OPN3: variants seen among roughly 807,000 people sequenced by gnomAD.
The protein encoded by OPN3 is opsin-3.
A neutral mutation model predicts 33.8 loss-of-function variants in OPN3; 29 were observed. That is an observed-to-expected ratio of 0.86 (90% CI 0.64 to 1.17). The LOEUF (loss-of-function observed/expected upper bound fraction) is 1.17, where lower values mean the gene tolerates loss of function less well. Among genes scored for constraint, OPN3 ranks in the 50% most tolerant of loss-of-function variants. The probability of loss-of-function intolerance (pLI) is 0.00; values close to 1 mark genes in which losing one functional copy is unlikely to be tolerated. For synonymous variants in OPN3, 216 were observed against 216.1 expected (o/e 1.00, Z 0.00); for missense variants, 437 against 514.1 (o/e 0.85, Z 1.45).
At chr1:241,617,635 G>A (rs1664168495) in intron 1 of OPN3, among the ~76,000 whole-genome samples, 1 of 152,190 alleles carries the variant, frequency 6.6e-6, no homozygotes, top group Admixed American at 6.5e-5. Context: ...GGAGAGCACG[G>A]AAACACAGAG....
Position 241,594,465 on chromosome 1 carries a change from C to A in OPN3, c.1172G>T (p.Gly391Val). Residue 391 changes from glycine to valine, a missense_variant, in exon 4 of 4, where the codon GGG (glycine) becomes GTG (valine). Coordinates refer to ENST00000366554, the MANE Select transcript of OPN3 (RefSeq NM_014322.3). ...AACTTGGATTACATCAACTTTGGAC[C>A]CATTGGTTTTGTCGCTGTCGTCAAC... ...LSVDDSDKTN[G>V]SKVDVIQVRP... 6.2e-7 allele frequency: 1 copy of A among 1,614,030 alleles called. No individual in the cohort carries two copies. The highest frequency in any genetic ancestry group is 8.5e-7 in the Non-Finnish European group (1 of 1,179,968).
chr1:241,624,407 T>A (rs1030090431), intron 1 of OPN3, among the ~76,000 whole-genome samples: 4 of 152,232 alleles, frequency 2.6e-5, no homozygotes, highest in Non-Finnish European at 5.9e-5. Context: ...TTGTTCCTCA[T>A]ATCAGCCCAT....
In OPN3 at chr1:241,619,295, A is replaced by C. The variant is rs184247788; in HGVS notation, c.374-14716T>G. On this transcript the variant is annotated intron_variant, in intron 1 of 3. Coordinates refer to ENST00000366554, the MANE Select transcript of OPN3 (RefSeq NM_014322.3). ...TTAACATTTCACAAAACAGTACTGCACGGGACACTAAAGGTAATACTATGC... is the reference window on the plus strand; with the variant it reads ...TTAACATTTCACAAAACAGTACTGCCCGGGACACTAAAGGTAATACTATGC... Among the ~76,000 whole-genome samples the C allele has an allele frequency of 5.9e-5, 9 of 152,324 alleles. No homozygotes were observed. The East Asian group carries it at 1.7e-3, about 29-fold the overall frequency.
chr1:241,600,261 G>T (rs1202785516), intron 2 of OPN3: 1 of 152,174 alleles, frequency 6.6e-6, no homozygotes, highest in Non-Finnish European at 1.5e-5. Flanking sequence ...TTATATATGT[G>T]AAGTTTTCAT....
At chr1:241,623,113 A>C (rs1190555639) in intron 1 of OPN3, among the ~76,000 whole-genome samples, 1 of 151,848 alleles carries the variant, frequency 6.6e-6, no homozygotes, top group Non-Finnish European at 1.5e-5. Flanking sequence ...AAAAACAAAC[A>C]AAAAAAACTC....
chr1:241,614,336 CA>C (rs1439083140), intron 1 of OPN3, among the ~76,000 whole-genome samples: 1 of 151,448 alleles, frequency 6.6e-6, no homozygotes. Flanking sequence ...TGAGGCAGGC[CA>C]CATGCTGTGG....
intron 1 of OPN3, among the ~76,000 whole-genome samples, chr1:241,639,666 C>A (rs538415461): frequency 7.6e-6 from 1 of 131,316 alleles, no homozygotes; most frequent in African/African-American, 2.9e-5. Context: ...CAGCGTGGGG[C>A]GGGAGGGGAC....
At chr1:241,602,784 C>T (rs1663710145) in intron 2 of OPN3, among the ~76,000 whole-genome samples, 1 of 152,186 alleles carries the variant, frequency 6.6e-6, no homozygotes, top group Non-Finnish European at 1.5e-5. Flanking sequence ...CCCAAGGCCC[C>T]ATCCCCAAAT....
Position 241,639,952 on chromosome 1 carries a change from G to A in OPN3, c.303C>T (p.Ser101=), listed in dbSNP as rs759044681. The A allele has an allele frequency of 3.7e-6, 6 of 1,609,866 alleles. No homozygotes were observed. In the South Asian group the frequency reaches 6.6e-5, roughly 18 times the overall value. The change falls in exon 1 of 4, where the codon TCC becomes TCT. Residue 101 remains serine, a synonymous_variant. Transcript: ENST00000366554. ...SLFGVTFTFV[S]CLRNGWVWDT... ...CCCACACCCAGCCGTTCCTCAGGCA[G>A]GACACGAAGGTAAAGGTGACCCCGA... is the stretch of plus-strand genomic sequence containing the variant.
chr1:241,615,250 A>AACT (rs1664095458), intron 1 of OPN3, among the ~76,000 whole-genome samples: 1 of 152,072 alleles, frequency 6.6e-6, no homozygotes, highest in Non-Finnish European at 1.5e-5. Context: ...ACTTAACAGG[A>AACT]ACTGAGAATT....
In OPN3 at chr1:241,626,129, C is replaced by G. The variant is rs1469032876; in HGVS notation, c.373+13753G>C. ...CTTACCCTAAAACTAATGATCTGTA[C>G]TAATAATACAAGAAGCCAGGACTAT... On this transcript the variant is annotated intron_variant, in intron 1 of 3. Transcript: ENST00000366554. 2.6e-5 allele frequency among the ~76,000 whole-genome samples: 4 copies of G among 152,250 alleles called. No individual in the cohort carries two copies. The East Asian group carries it at 7.7e-4, about 29-fold the overall frequency.
At chr1:241,601,751 C>T (rs907854208) in intron 2 of OPN3, among the ~76,000 whole-genome samples, 19 of 151,674 alleles carry the variant, frequency 1.3e-4, no homozygotes, top group Non-Finnish European at 2.1e-4. Flanking sequence ...AGAAACAAAA[C>T]GAAACAAAAA....
At chr1:241,607,293 C>A (rs1222904956) in intron 1 of OPN3, among the ~76,000 whole-genome samples, 2 of 152,012 alleles carry the variant, frequency 1.3e-5, no homozygotes, top group Non-Finnish European at 2.9e-5. Flanking sequence ...GGTGGGCAGA[C>A]CACCTGAGGT....
At chr1:241,626,200 T>C (rs1664414260) in intron 1 of OPN3, among the ~76,000 whole-genome samples, 1 of 152,166 alleles carries the variant, frequency 6.6e-6, no homozygotes, top group Admixed American at 6.5e-5. Flanking sequence ...GGTCCTCTGT[T>C]CCTCAGGTTG....
rs528285870 is a variant in OPN3, at chr1:241,614,781, A to G, written c.374-10202T>C. On this transcript the variant is annotated intron_variant, in intron 1 of 3. Coordinates refer to ENST00000366554, the MANE Select transcript of OPN3 (RefSeq NM_014322.3). ...CCTAGCCTTAGGCTTTTCTGCCCAT[A>G]GTCCCATTTGGACAGATATCCTAGC... 4.9e-3 allele frequency among the ~76,000 whole-genome samples: 738 copies of G among 151,686 alleles called. 3 individuals are homozygous for G. Among genetic ancestry groups the G allele is most frequent in the African/African-American group, 0.017 (699 of 41,490 alleles).
At position 241,620,714 on chromosome 1, in the gene OPN3, T is replaced by C. The variant is rs533033746; in HGVS notation, c.374-16135A>G. Among the ~76,000 whole-genome samples the C allele has an allele frequency of 6.6e-5, 10 of 152,334 alleles. No individual in the cohort carries two copies. The South Asian group carries it at 1.9e-3, about 28-fold the overall frequency. On this transcript the variant is annotated intron_variant, in intron 1 of 3. Coordinates refer to ENST00000366554, the MANE Select transcript of OPN3 (RefSeq NM_014322.3). ...AAATATTATTTCAATTTTTAATCAA[T>C]ATAAAATTATTGAGATATTTTATAT... is the stretch of plus-strand genomic sequence containing the variant.
At position 241,604,578 on chromosome 1, in the gene OPN3, C is replaced by A. The variant is rs1333620647; in HGVS notation, c.375G>T (p.Gly125=). Residue 125 remains glycine, a splice_region_variant and synonymous_variant, in exon 2 of 4, where the codon GGG becomes GGT. Transcript: ENST00000366554. ...CGGTTAGGGTGGCAATGGAAACAATCCCTGCAAGAAGAGAAAGTGGAAAAG... is the reference window on the plus strand; with the variant it reads ...CGGTTAGGGTGGCAATGGAAACAATACCTGCAAGAAGAGAAAGTGGAAAAG... ...VWDGFSGSLF[G]IVSIATLTVL... 6.2e-7 allele frequency: 1 copy of A among 1,607,642 alleles called. No individual in the cohort carries two copies. The highest frequency in any genetic ancestry group is 1.7e-5 in the Admixed American group (1 of 59,552).
intron 1 of OPN3, among the ~76,000 whole-genome samples, chr1:241,611,837 G>A (rs1377194617): frequency 6.6e-6 from 1 of 152,220 alleles, no homozygotes; most frequent in Non-Finnish European, 1.5e-5. Context: ...CTTATGGGAA[G>A]TTCCCTTGGG....
At chr1:241,630,293 T>C (rs958700851) in intron 1 of OPN3, 4 of 152,094 alleles carry the variant, frequency 2.6e-5, no homozygotes, top group Non-Finnish European at 5.9e-5. Context: ...CCATGGGAGT[T>C]TGTTCATGTT....
Sources: allele counts gnomAD v4.1 joint callset (sites outside exome capture counted in the v4.1 genomes callset), GRCh38; gene constraint gnomAD v4.1.1; transcripts MANE v1.5; gene names NCBI Gene and HGNC (gene_info 2026-07-23, HGNC 2026-07-21).